The following PPM1B variants were observed in gnomAD, a reference collection of about 807,000 sequenced individuals.
PPM1B encodes the protein protein phosphatase, Mg2+/Mn2+ dependent 1B.
PPM1B carries 22 observed loss-of-function variants against 43.0 expected under a neutral mutation model. That is an observed-to-expected ratio of 0.51 (90% confidence interval 0.37 to 0.73). The LOEUF (loss-of-function observed/expected upper bound fraction) is 0.73, where lower values mean the gene tolerates loss of function less well. Among genes scored for constraint, PPM1B ranks in the 30% least tolerant of loss-of-function variants. The pLI is 0.00. For synonymous variants in PPM1B, 217 were observed against 197.9 expected, an observed-to-expected ratio of 1.10 and a Z score of -0.81; for missense variants, 632 against 584.2, an observed-to-expected ratio of 1.08 and a Z score of -0.84.
rs571789016 is a variant in PPM1B at position 44,241,997 on chromosome 2, T to A, written n.1547-2231T>A. ...CCCCAGCCTTCCGAGTAGCTGGGAGTACAGGCACCTGCCACCACGCCCGGC... is the reference window on the plus strand; with the variant it reads ...CCCCAGCCTTCCGAGTAGCTGGGAGAACAGGCACCTGCCACCACGCCCGGC... On this transcript the variant is annotated intron_variant and non_coding_transcript_variant, in intron 5 of 5. Transcript: ENST00000378540. Among the ~76,000 whole-genome samples, 344 of 151,010 alleles carry A rather than the reference T, an allele frequency of 2.3e-3. 3 individuals carry two copies. The highest frequency in any genetic ancestry group is 8.0e-3 in the African/African-American group (329 of 41,148).
chr2:44,228,275 C>G (rs1670312404), intron 5 of PPM1B, among the ~76,000 whole-genome samples: 1 of 139,626 alleles, frequency 7.2e-6, no homozygotes, highest in African/African-American at 2.5e-5. Flanking sequence ...GAAGCCTCAA[C>G]CTCCTCGACT....
chr2:44,244,186 C>CATA, intron 5 of PPM1B: 1 of 882,446 alleles, frequency 1.1e-6, no homozygotes, highest in Non-Finnish European at 1.4e-6. Context: ...AAAAAAAAAA[C>CATA]CATATATATA....
chr2:44,243,462 A>G (rs1670793947), intron 5 of PPM1B, among the ~76,000 whole-genome samples: 1 of 152,176 alleles, frequency 6.6e-6, no homozygotes, highest in African/African-American at 2.4e-5. Context: ...ACAATTTTTT[A>G]TATCCTAAGT....
chr2:44,236,276 G>A (rs890272647), downstream of PPM1B, among the ~76,000 whole-genome samples: 1 of 151,666 alleles, frequency 6.6e-6, no homozygotes, highest in African/African-American at 2.4e-5. Context: ...GGTGCTGCGT[G>A]CCTGTAGTCC....
chr2:44,212,874 G>A (rs527991797), intron 3 of PPM1B, among the ~76,000 whole-genome samples: 112 of 152,098 alleles, frequency 7.4e-4, no homozygotes, highest in Non-Finnish European at 1.0e-3. Flanking sequence ...TTAGCTGGGC[G>A]TGGTGGTGGG....
chr2:44,173,798 G>C (rs1667459974), intron 1 of PPM1B, among the ~76,000 whole-genome samples: 1 of 152,106 alleles, frequency 6.6e-6, no homozygotes, highest in Admixed American at 6.5e-5. Flanking sequence ...ACAAAAATTA[G>C]CCGGGTGTGG....
intron 1 of PPM1B, among the ~76,000 whole-genome samples, chr2:44,172,223 T>C (rs537672470): frequency 1.3e-4 from 20 of 152,228 alleles, no homozygotes; most frequent in African/African-American, 4.8e-4. Flanking sequence ...TTTCCCTTGC[T>C]GAATTAATTT....
exon 6 of PPM1B, chr2:44,244,343 G>A (rs182240572): frequency 7.8e-5 from 106 of 1,359,210 alleles, no homozygotes; most frequent in Non-Finnish European, 1.0e-4. Flanking sequence ...AGGTTTTTTT[G>A]TAAACCCGAA....
At chr2:44,220,349 T>C (rs865824875) in intron 5 of PPM1B, among the ~76,000 whole-genome samples, 2 of 151,946 alleles carry the variant, frequency 1.3e-5, no homozygotes, top group Admixed American at 1.3e-4. Context: ...GTTTAACATA[T>C]ACCAAGGATA....
intron 3 of PPM1B, among the ~76,000 whole-genome samples, chr2:44,215,239 A>AG (rs1669667233): frequency 6.6e-6 from 1 of 152,224 alleles, no homozygotes; most frequent in Non-Finnish European, 1.5e-5. Flanking sequence ...ATGCCGAGGC[A>AG]GAAGGATTGC....
chr2:44,187,997 A>G (rs1402106883), intron 1 of PPM1B, among the ~76,000 whole-genome samples: 1 of 152,030 alleles, frequency 6.6e-6, no homozygotes, highest in Admixed American at 6.6e-5. Context: ...CCATCTGCCC[A>G]CCTCGGCCTC....
intron 1 of PPM1B, among the ~76,000 whole-genome samples, chr2:44,197,373 C>A (rs1668713245): frequency 6.6e-6 from 1 of 152,146 alleles, no homozygotes; most frequent in Admixed American, 6.5e-5. Context: ...CCTACCTTGG[C>A]CTCCCAAAGT....
intron 2 of PPM1B, among the ~76,000 whole-genome samples, chr2:44,206,167 C>A (rs1225501716): frequency 6.6e-6 from 1 of 152,056 alleles, no homozygotes; most frequent in Non-Finnish European, 1.5e-5. Context: ...GTAAAAAGAA[C>A]ATGTAATAAT....
intron 5 of PPM1B, among the ~76,000 whole-genome samples, chr2:44,227,046 T>G (rs555817771): frequency 2.0e-5 from 3 of 152,100 alleles, no homozygotes; most frequent in African/African-American, 7.2e-5. Context: ...TGAACATGGC[T>G]TACTGTAATC....
rs925653732 is a variant in PPM1B at position 44,209,336 on chromosome 2, A to G, written c.964+9A>G. Reference sequence around the variant, plus strand: ...GGAATCACGGGTTGAAGGTAAGACAAATGCTTTTTAAAAATATAGACAGGC... The same window carrying G: ...GGAATCACGGGTTGAAGGTAAGACAGATGCTTTTTAAAAATATAGACAGGC... On this transcript the variant is annotated intron_variant, in intron 3 of 5. Transcript: ENST00000282412. 1.2e-5 allele frequency: 19 copies of G among 1,613,564 alleles called. No homozygotes were observed. The highest frequency in any genetic ancestry group is 8.9e-5 in the East Asian group (4 of 44,874).
chr2:44,245,401 G>C (rs567776782), downstream of PPM1B, among the ~76,000 whole-genome samples: 1 of 152,114 alleles, frequency 6.6e-6, no homozygotes, highest in East Asian at 1.9e-4. Context: ...TCTGCCTGTC[G>C]TGTTGCATCT....
intron 1 of PPM1B, among the ~76,000 whole-genome samples, chr2:44,176,488 T>G (rs1667585915): frequency 6.6e-6 from 1 of 152,206 alleles, no homozygotes; most frequent in Non-Finnish European, 1.5e-5. Flanking sequence ...TATTTATCAC[T>G]GCTTCTCCTT....
chr2:44,214,696 G>C (rs1168237238), intron 3 of PPM1B, among the ~76,000 whole-genome samples: 5 of 152,106 alleles, frequency 3.3e-5, no homozygotes, highest in Non-Finnish European at 5.9e-5. Context: ...AAAATATCCA[G>C]AGTGGTCCTA....
At chr2:44,200,142 G>T (rs554553881) in intron 1 of PPM1B, among the ~76,000 whole-genome samples, 1 of 152,272 alleles carries the variant, frequency 6.6e-6, no homozygotes, top group Non-Finnish European at 1.5e-5. Flanking sequence ...GGTGTTTATT[G>T]TGTTTTAAGT....
Sources: gnomAD v4.1 joint callset for allele counts (sites outside exome capture counted in the v4.1 genomes callset) on GRCh38, gnomAD v4.1.1 for gene constraint, MANE v1.5 for transcripts, NCBI Gene and HGNC (gene_info 2026-07-23, HGNC 2026-07-21) for gene names.